CDH4: variants seen among roughly 807,000 people sequenced by gnomAD.
CDH4 encodes the protein cadherin-4.
In CDH4, 33 loss-of-function variants were observed where a neutral mutation model predicts 86.0. The ratio of observed to expected loss-of-function variants is 0.38; its 90% CI spans 0.29 to 0.51. CDH4 has a LOEUF of 0.51. Among genes scored for constraint, CDH4 ranks in the 20% least tolerant of loss-of-function variants. The pLI is 0.86. For missense variants in CDH4, 1,114 were observed against 1,307.4 expected (o/e 0.85, Z 2.28); for synonymous variants, 555 against 549.4 (o/e 1.01, Z -0.14).
intron 2 of CDH4, among the ~76,000 whole-genome samples, chr20:61,354,621 C>T (rs1024362757): frequency 6.6e-5 from 10 of 152,256 alleles, no homozygotes; most frequent in Non-Finnish European, 1.0e-4. Flanking sequence ...GGCTCAGCCC[C>T]GCTGCACCTG....
intron 2 of CDH4, among the ~76,000 whole-genome samples, chr20:61,528,469 G>GGAGGGGGGA: frequency 1.0e-5 from 1 of 98,564 alleles, no homozygotes; most frequent in African/African-American, 3.7e-5. Context: ...GAGAGGGAGG[G>GGAGGGGGGA]GGAGGGGGAG....
chr20:61,658,577 G>A (rs2087217467), intron 2 of CDH4, among the ~76,000 whole-genome samples: 1 of 152,148 alleles, frequency 6.6e-6, no homozygotes, highest in African/African-American at 2.4e-5. Flanking sequence ...AGGATGGGTG[G>A]CCCAGGTCGT....
At chr20:61,715,006 G>T (rs116293008) in intron 2 of CDH4, among the ~76,000 whole-genome samples, 2,820 of 152,264 alleles carry the variant, frequency 0.019, 92 homozygotes, top group African/African-American at 0.065. Context: ...CATAGAGGTT[G>T]TATTAATTTA....
At chr20:61,577,700 A>G (rs923360620) in intron 2 of CDH4, among the ~76,000 whole-genome samples, 1 of 152,000 alleles carries the variant, frequency 6.6e-6, no homozygotes, top group African/African-American at 2.4e-5. Context: ...CTATGGTTCT[A>G]TTGTGTTCCA....
In CDH4 at chr20:61,754,684, A is replaced by ACCACACACACAGTGCATG. The variant is rs1296118369; in HGVS notation, c.396+10906_396+10923dup. Among the ~76,000 whole-genome samples the ACCACACACACAGTGCATG allele has an allele frequency of 6.8e-6, 1 of 146,388 alleles. No homozygotes were observed. Among genetic ancestry groups the ACCACACACACAGTGCATG allele is most frequent in the Non-Finnish European group, 1.5e-5 (1 of 66,630 alleles). On this transcript the variant is annotated intron_variant, in intron 3 of 15. Coordinates refer to ENST00000614565, the MANE Select transcript of CDH4 (RefSeq NM_001794.5). The surrounding 1 kb of genome is among the most constrained non-coding windows in gnomAD (Gnocchi z 4.7). Reference sequence around the variant, plus strand: ...CACACGCCCCGCACACACTATGCACACCACACACACAGTGCATGCCACACA... The same window carrying ACCACACACACAGTGCATG: ...CACACGCCCCGCACACACTATGCACACCACACACACAGTGCATGCCACACACACAGTGCATGCCACACA...
At chr20:61,817,977 AG>A (rs1980814923) in intron 4 of CDH4, among the ~76,000 whole-genome samples, 1 of 152,120 alleles carries the variant, frequency 6.6e-6, no homozygotes, top group South Asian at 2.1e-4. Flanking sequence ...AGATGAAAAC[AG>A]CCTCACACCT....
chr20:61,602,694 TAAAAAAAA>T (rs10641053), intron 2 of CDH4, among the ~76,000 whole-genome samples: 18 of 89,128 alleles, frequency 2.0e-4, no homozygotes, highest in Admixed American at 4.3e-4. Flanking sequence ...TTCACTTTAT[TAAAAAAAA>T]AAAAAAAAAA....
rs1428517710 is a variant in CDH4 at position 61,924,547 on chromosome 20, G to A, written c.1771+71G>A. On this transcript the variant is annotated intron_variant, in intron 11 of 15. Coordinates refer to ENST00000614565, the MANE Select transcript of CDH4 (RefSeq NM_001794.5). Reference sequence around the variant, plus strand: ...GTCCTGGGTTCTGTGGGCGAGGGAGGGTGCTGGCCAGGGAGACCCCGAGAG... The same window carrying A: ...GTCCTGGGTTCTGTGGGCGAGGGAGAGTGCTGGCCAGGGAGACCCCGAGAG... 3 of 1,539,634 alleles carry A rather than the reference G, an allele frequency of 1.9e-6. No individual in the cohort carries two copies. The Admixed American group carries it at 5.5e-5, about 28-fold the overall frequency.
chr20:61,791,653 T>A (rs1422300472), intron 4 of CDH4, among the ~76,000 whole-genome samples: 1 of 150,320 alleles, frequency 6.7e-6, no homozygotes, highest in Non-Finnish European at 1.5e-5. Flanking sequence ...ACAGGGAGAG[T>A]GGAGCACAGG....
intron 9 of CDH4, among the ~76,000 whole-genome samples, chr20:61,921,607 C>T (rs935423440): frequency 6.6e-6 from 1 of 152,152 alleles, no homozygotes; most frequent in African/African-American, 2.4e-5. Context: ...TAAAAATTAG[C>T]CAGGCATGGT....
In CDH4 at chr20:61,766,149, G is replaced by A. The variant is rs531232197; in HGVS notation, c.397-6854G>A. On this transcript the variant is annotated intron_variant, in intron 3 of 15. Coordinates refer to ENST00000614565, the MANE Select transcript of CDH4 (RefSeq NM_001794.5). ...GGGTCCAGGAGCCCACTTTGCTCAC[G>A]GTGCCCTCACCAGAGCAGTCCCTGA... Among the ~76,000 whole-genome samples the A allele has an allele frequency of 5.2e-4, 79 of 151,924 alleles. 1 individual carries two copies. The highest frequency in any genetic ancestry group is 3.4e-3 in the Middle Eastern group (1 of 294).
chr20:61,901,494 G>A (rs1036471546), intron 8 of CDH4, among the ~76,000 whole-genome samples: 4 of 152,374 alleles, frequency 2.6e-5, no homozygotes, highest in South Asian at 4.1e-4. Flanking sequence ...TCCCAGCCCC[G>A]TCGGGGGGCG....
At chr20:61,792,715 A>C (rs187973426) in intron 4 of CDH4, among the ~76,000 whole-genome samples, 1 of 151,342 alleles carries the variant, frequency 6.6e-6, no homozygotes, top group East Asian at 2.0e-4. Context: ...TTGTGGCATG[A>C]TCTCAGCTCA....
At chr20:61,318,962 A>G (rs1425973743) in intron 2 of CDH4, among the ~76,000 whole-genome samples, 2 of 152,356 alleles carry the variant, frequency 1.3e-5, no homozygotes, top group Admixed American at 1.3e-4. Flanking sequence ...GGCCTGAGCC[A>G]TGGTGGGGCA....
intron 5 of CDH4, among the ~76,000 whole-genome samples, chr20:61,851,151 C>G (rs1405013126): frequency 6.6e-6 from 1 of 152,194 alleles, no homozygotes; most frequent in Non-Finnish European, 1.5e-5. Flanking sequence ...GCACTTCAGG[C>G]TGTTTAAACA....
intron 8 of CDH4, among the ~76,000 whole-genome samples, chr20:61,909,529 A>G (rs1029897056): frequency 5.3e-5 from 8 of 152,254 alleles, no homozygotes; most frequent in Admixed American, 3.9e-4. Flanking sequence ...TGCTCCCTCT[A>G]AAGACTCCAG....
intron 2 of CDH4, among the ~76,000 whole-genome samples, chr20:61,562,126 G>A (rs868821825): frequency 6.9e-5 from 6 of 86,410 alleles, no homozygotes; most frequent in East Asian, 3.8e-4. Context: ...AGGGACCTCC[G>A]TGTGGAGAGG....
intron 2 of CDH4, among the ~76,000 whole-genome samples, chr20:61,590,624 T>C (rs534471261): frequency 1.3e-5 from 2 of 152,302 alleles, no homozygotes; most frequent in South Asian, 2.1e-4. Context: ...GCCTGGAACC[T>C]TCCCTCTGCC....
In CDH4 at chr20:61,320,543, T is replaced by C. The variant is rs548713677; in HGVS notation, c.169+65606T>C. 3.7e-4 allele frequency among the ~76,000 whole-genome samples: 57 copies of C among 152,116 alleles called. 1 individual carries two copies. Among genetic ancestry groups the C allele is most frequent in the Non-Finnish European group, 7.8e-4 (53 of 68,004 alleles). ...CAGAGGGTCTCAACTGGGACAGTTC[T>C]GCCCCCAGAGAGCACTTGGCAATAT... is the stretch of plus-strand genomic sequence containing the variant. On this transcript the variant is annotated intron_variant, in intron 2 of 15. Coordinates refer to ENST00000614565, the MANE Select transcript of CDH4 (RefSeq NM_001794.5).
Sources: gnomAD v4.1 joint callset for allele counts (sites outside exome capture counted in the v4.1 genomes callset) on GRCh38, gnomAD v4.1.1 for gene constraint, Gnocchi (gnomAD v3.1) non-coding constraint, MANE v1.5 for transcripts, NCBI Gene and HGNC (gene_info 2026-07-23, HGNC 2026-07-21) for gene names.